The following DHX57 variants were observed in gnomAD, a reference collection of about 807,000 sequenced individuals.
DHX57 encodes putative ATP-dependent RNA helicase DHX57.
DHX57 carries 105 observed loss-of-function variants against 156.2 expected under a neutral mutation model. The observed-to-expected ratio is 0.67, with a 90% CI of 0.57 to 0.79. DHX57 has a LOEUF of 0.79. DHX57 is among the 30% of genes least tolerant of loss of function. The pLI, the probability that DHX57 is intolerant of heterozygous loss-of-function variation, is 0.00. For missense variants in DHX57, 1,847 were observed against 1,661.9 expected, an observed-to-expected ratio of 1.11 and a Z score of -1.94; for synonymous variants, 704 against 595.6, an observed-to-expected ratio of 1.18 and a Z score of -2.65.
Position 38,858,227 on chromosome 2 carries a change from A to C in DHX57, c.1587+434T>G, listed in dbSNP as rs1051967434. On this transcript the variant is annotated intron_variant, in intron 6 of 23. Transcript: ENST00000457308. ...CAGGCACCTGCCACCACGCCCGGCT[A>C]ATTTTTGTATTTTTAGTAGAGACAG... Among the ~76,000 whole-genome samples the C allele has an allele frequency of 5.3e-5, 8 of 152,046 alleles. 1 individual carries two copies. Among genetic ancestry groups the C allele is most frequent in the African/African-American group, 1.9e-4 (8 of 41,394 alleles).
chr2:38,873,780 C>T (rs1469479949), intron 1 of DHX57, among the ~76,000 whole-genome samples: 3 of 151,964 alleles, frequency 2.0e-5, no homozygotes, highest in Non-Finnish European at 4.4e-5. Context: ...GTAACACAGA[C>T]ATTAAACAAA....
At position 38,823,265 on chromosome 2, in the gene DHX57, T is replaced by G; in HGVS notation, c.3019A>C (p.Lys1007Gln). Residue 1007 changes from lysine (K) to glutamine (Q), a missense_variant, in exon 17 of 24, where the codon AAA becomes CAA. Coordinates refer to ENST00000457308, the MANE Select transcript of DHX57 (RefSeq NM_198963.3). ...VPLEQLCLRIKILEMFSAHNL... is the reference protein window; with the variant it reads ...VPLEQLCLRIQILEMFSAHNL... Reference sequence around the variant, plus strand: ...TGAGCACTAAACATCTCTAAAATTTTAATTCTGAAAAGGAAACAAAATAAT... The same window carrying G: ...TGAGCACTAAACATCTCTAAAATTTGAATTCTGAAAAGGAAACAAAATAAT... 6.2e-7 allele frequency: 1 copy of G among 1,610,082 alleles called. No homozygotes were observed. Among genetic ancestry groups the G allele is most frequent in the Non-Finnish European group, 8.5e-7 (1 of 1,176,772 alleles).
At chr2:38,873,640 G>C (rs191741487) in intron 1 of DHX57, among the ~76,000 whole-genome samples, 18 of 152,082 alleles carry the variant, frequency 1.2e-4, no homozygotes, top group Admixed American at 8.5e-4. Flanking sequence ...GACTTATGTG[G>C]GAATGGAGAT....
In DHX57 at chr2:38,798,111, G is replaced by C; in HGVS notation, c.*188C>G. On this transcript the variant is annotated 3_prime_UTR_variant, in exon 24 of 24. Transcript: ENST00000457308. The stretch of plus-strand genomic sequence containing the variant: ...CTTGACACTCCAAATTGTGCTGGGA[G>C]TGGCCAAGGCTTTGTTAGAAATGGC... 2 of 583,976 alleles carry C rather than the reference G, an allele frequency of 3.4e-6. No individual in the cohort carries two copies. The highest frequency in any genetic ancestry group is 5.6e-6 in the Non-Finnish European group (2 of 356,980). 36.2% of individuals were successfully genotyped at this position (583,976 alleles called of 1,614,324 possible).
In DHX57 at chr2:38,868,222, C is replaced by T; in HGVS notation, c.184G>A (p.Asp62Asn). 6.2e-7 allele frequency: 1 copy of T among 1,614,144 alleles called. No individual in the cohort carries two copies. Among genetic ancestry groups the T allele is most frequent in the African/African-American group, 1.3e-5 (1 of 75,036 alleles). The change falls in exon 2 of 24, where the codon GAT (aspartate) becomes AAT (asparagine). Residue 62 changes from aspartate to asparagine, a missense_variant. Physicochemically the swap from Asp to Asn is conservative, Grantham distance 23. Transcript: ENST00000457308. Reference sequence around the variant, plus strand: ...GATTCACTGAAGATACAAAAGTCATCTCCATCATCCCATATTCTACTGGAG... The same window carrying T: ...GATTCACTGAAGATACAAAAGTCATTTCCATCATCCCATATTCTACTGGAG... ...KASSRIWDDG[D>N]DFCIFSESRR...
chr2:38,871,899 A>G (rs1274831599), intron 1 of DHX57, among the ~76,000 whole-genome samples: 3 of 151,996 alleles, frequency 2.0e-5, no homozygotes, highest in African/African-American at 4.8e-5. Flanking sequence ...TAGTAGAGAC[A>G]GGGTTTCACC....
intron 1 of DHX57, among the ~76,000 whole-genome samples, chr2:38,868,861 G>A (rs1047859058): frequency 5.3e-5 from 8 of 151,974 alleles, no homozygotes; most frequent in Admixed American, 2.6e-4. Context: ...CGCCCAGGCC[G>A]GATGATCTCA....
At chr2:38,819,364 C>T (rs768981324) in intron 17 of DHX57, among the ~76,000 whole-genome samples, 38 of 152,096 alleles carry the variant, frequency 2.5e-4, no homozygotes, top group Non-Finnish European at 4.6e-4. Flanking sequence ...TCGGTAGAGA[C>T]GGAGTCTCAC....
chr2:38,837,386 G>A lies in DHX57; in HGVS notation c.2542+445C>T, dbSNP rs371431137. On this transcript the variant is annotated intron_variant, in intron 13 of 23. Coordinates refer to ENST00000457308, the MANE Select transcript of DHX57 (RefSeq NM_198963.3). The stretch of plus-strand genomic sequence containing the variant: ...AGCACTTTGGGAGGCCGAGGCAGGC[G>A]GATCACCTGAGATCAGGAGTTCGAG... Among the ~76,000 whole-genome samples, 10 of 151,922 alleles carry A rather than the reference G, an allele frequency of 6.6e-5. No individual in the cohort carries two copies. The East Asian group carries it at 9.7e-4, about 15-fold the overall frequency.
intron 2 of DHX57, among the ~76,000 whole-genome samples, chr2:38,864,284 C>T (rs1475549561): frequency 1.3e-5 from 2 of 150,558 alleles, no homozygotes; most frequent in Non-Finnish European, 3.0e-5. Flanking sequence ...TTGGCTCACA[C>T]CTGTAATTCC....
intron 13 of DHX57, among the ~76,000 whole-genome samples, chr2:38,834,279 C>T (rs1305300741): frequency 2.8e-5 from 4 of 145,388 alleles, no homozygotes; most frequent in African/African-American, 7.8e-5. Context: ...TGCGGTGAGC[C>T]GAGATCACAC....
At chr2:38,848,011 A>G (rs2124892991) in intron 10 of DHX57, among the ~76,000 whole-genome samples, 1 of 152,000 alleles carries the variant, frequency 6.6e-6, no homozygotes, top group East Asian at 1.9e-4. Flanking sequence ...TGAACCCGGG[A>G]GGCAGAGGTT....
At chr2:38,867,899 T>C (rs181744689) in intron 2 of DHX57, among the ~76,000 whole-genome samples, 1 of 152,336 alleles carries the variant, frequency 6.6e-6, no homozygotes, top group East Asian at 1.9e-4. Context: ...CAGTCTATGA[T>C]GCATAAGGAA....
intron 14 of DHX57, 87 bp downstream of exon 14, chr2:38,828,253 G>T: frequency 1.1e-6 from 1 of 928,058 alleles, no homozygotes. Flanking sequence ...TCGAAGACTG[G>T]TGCTCTTCCA....
At chr2:38,808,668 G>C (rs1266016825) in intron 21 of DHX57, among the ~76,000 whole-genome samples, 1 of 152,112 alleles carries the variant, frequency 6.6e-6, no homozygotes, top group African/African-American at 2.4e-5. Flanking sequence ...CTGCTATCTA[G>C]AAAGGGGGTA....
At chr2:38,813,563 G>A (rs1670379752) in intron 21 of DHX57, among the ~76,000 whole-genome samples, 1 of 151,274 alleles carries the variant, frequency 6.6e-6, no homozygotes, top group African/African-American at 2.4e-5. Context: ...TAGTAGAGAT[G>A]GGGTTTCACC....
chr2:38,863,302 C>T (rs546604615), intron 3 of DHX57, 59 bp downstream of exon 3: 46 of 1,544,782 alleles, frequency 3.0e-5, no homozygotes, highest in Non-Finnish European at 3.9e-5. Flanking sequence ...TGCACAGGAC[C>T]TTCACACTGC....
Position 38,861,432 on chromosome 2 carries a change from G to A in DHX57, c.978C>T (p.Pro326=), listed in dbSNP as rs148098857. The change falls in exon 5 of 24, where the codon CCC becomes CCT. Residue 326 remains proline (P), a synonymous_variant. Transcript: ENST00000457308. The stretch of plus-strand genomic sequence containing the variant: ...CTATTCTTCCAACAATTTGATTTGG[G>A]GGCACTTCATGTTTGAATCTGCATT... The part of the protein sequence containing the change: ...GSKCRFKHEV[P]PNQIVGRIER... The A allele has an allele frequency of 5.3e-4, 851 of 1,613,978 alleles. 8 individuals are homozygous for A. In the East Asian group the frequency reaches 0.016, roughly 31 times the overall value.
At chr2:38,830,800 A>G (rs746363410) in intron 13 of DHX57, among the ~76,000 whole-genome samples, 7 of 152,074 alleles carry the variant, frequency 4.6e-5, no homozygotes, top group Non-Finnish European at 1.0e-4. Context: ...AAATGCCACA[A>G]AATTTTATTG....
Sources: allele counts gnomAD v4.1 joint callset (sites outside exome capture counted in the v4.1 genomes callset), GRCh38; gene constraint gnomAD v4.1.1; transcripts MANE v1.5; gene names NCBI Gene and HGNC (gene_info 2026-07-23, HGNC 2026-07-21).